MYH3: variants seen among roughly 807,000 people sequenced by gnomAD.
MYH3 encodes the protein myosin-3.
In MYH3, 130 loss-of-function variants were observed where a neutral mutation model predicts 238.0. The ratio of observed to expected loss-of-function variants is 0.55; its 90% confidence interval spans 0.47 to 0.63. The LOEUF (loss-of-function observed/expected upper bound fraction) is 0.63. Ranked by LOEUF, MYH3 falls within the 30% of genes least tolerant of loss-of-function variation. MYH3 has a pLI of 0.00. For missense variants in MYH3, 1,853 were observed against 2,374.9 expected (o/e 0.78, Z 4.57); for synonymous variants, 880 against 924.1 (o/e 0.95, Z 0.86).
intron 20 of MYH3, 22 bp from the exon 21 acceptor site, chr17:10,640,491 A>G (rs909775028): frequency 1.2e-6 from 2 of 1,614,260 alleles, no homozygotes; most frequent in South Asian, 1.1e-5. Context: ...GAAGGGTGAC[A>G]TGAGTCAGTT....
Position 10,635,394 on chromosome 17 carries a change from T to A in MYH3, c.4145A>T (p.Gln1382Leu). Residue 1382 changes from glutamine to leucine, a missense_variant, in exon 30 of 41, where the codon CAG (glutamine) becomes CTG (leucine). By Grantham distance (113) the Gln-to-Leu change is moderately radical (BLOSUM62 -2). Transcript: ENST00000583535. Reference sequence around the variant, plus strand: ...GGCCTCCTCCAGCTCTTCTGTGCGCTGGATGGCGTCCGTCTCGTATTTGGT... The same window carrying A: ...GGCCTCCTCCAGCTCTTCTGTGCGCAGGATGGCGTCCGTCTCGTATTTGGT... Reference protein sequence around the residue: ...WRTKYETDAIQRTEELEEAKK... With the variant: ...WRTKYETDAILRTEELEEAKK... 3 of 1,614,038 alleles carry A rather than the reference T, an allele frequency of 1.9e-6. No homozygotes were observed. The highest frequency in any genetic ancestry group is 2.5e-6 in the Non-Finnish European group (3 of 1,179,872).
intron 25 of MYH3, 21 bp from the exon 26 acceptor site, chr17:10,638,984 T>C (rs2074243750): frequency 1.9e-6 from 3 of 1,614,104 alleles, no homozygotes; most frequent in Non-Finnish European, 2.5e-6. Context: ...AAATGTAGAA[T>C]GCATGAAGAC....
intron 3 of MYH3, among the ~76,000 whole-genome samples, chr17:10,653,787 G>A (rs183183186): frequency 3.0e-4 from 46 of 152,278 alleles, no homozygotes; most frequent in Non-Finnish European, 5.6e-4. Flanking sequence ...AACCATCCCG[G>A]CCAATGGGCC....
chr17:10,644,784 G>A (rs761409069), intron 12 of MYH3, 82 bp from the exon 13 acceptor site: 76 of 1,094,294 alleles, frequency 6.9e-5, no homozygotes, highest in Non-Finnish European at 9.5e-5. Flanking sequence ...GGTTGGTTAA[G>A]TTCATCTTGG....
At chr17:10,662,266 C>T (rs1235059617), upstream of MYH3, among the ~76,000 whole-genome samples, 4 of 152,156 alleles carry the variant, frequency 2.6e-5, no homozygotes, top group African/African-American at 9.7e-5. Context: ...AAATGATCCA[C>T]CCGCCTTGGC....
At chr17:10,671,712 T>C in the MYH3 span, among the ~76,000 whole-genome samples, 2 of 151,676 alleles carry the variant, frequency 1.3e-5, no homozygotes, top group South Asian at 2.1e-4. Flanking sequence ...CCTGAGTAGC[T>C]GGGACTATAG....
In MYH3 at chr17:10,639,178, G is replaced by A; in HGVS notation, c.3114C>T (p.Ser1038=). 6.2e-7 allele frequency: 1 copy of A among 1,614,044 alleles called. No individual in the cohort carries two copies. The highest frequency in any genetic ancestry group is 8.5e-7 in the Non-Finnish European group (1 of 1,179,984). The change falls in exon 25 of 41, where the codon TCC becomes TCT. Residue 1038 remains serine, a synonymous_variant. Coordinates refer to ENST00000583535, the MANE Select transcript of MYH3 (RefSeq NM_002470.4). ...CTCGGAGCTTCTTTTCTTGTTCTAG[G>A]GAGCTTTCCAGCTGAAAAAGGCACC... The part of the protein sequence containing the change: ...LEQQVEDLES[S]LEQEKKLRVD...
chr17:10,669,772 G>C, the MYH3 span, among the ~76,000 whole-genome samples: 1 of 152,130 alleles, frequency 6.6e-6, no homozygotes, highest in South Asian at 2.1e-4. Context: ...TCAGCTGGGC[G>C]TGGTGGTATG....
chr17:10,629,204 G>T (rs923265777), intron 40 of MYH3, among the ~76,000 whole-genome samples: 1 of 150,432 alleles, frequency 6.6e-6, no homozygotes, highest in Non-Finnish European at 1.5e-5. Flanking sequence ...GAAAGGCCCC[G>T]GTGTGTGATG....
rs2074168812 is a variant in MYH3, at chr17:10,632,133, T to G, written c.4957-117A>C. On this transcript the variant is annotated intron_variant, in intron 34 of 40. Transcript: ENST00000583535. ...TTGTTTTTGTTTTGTTTTGTTTTGT[T>G]TGTTTTGAGACAGGGTCTTGTTCTG... 4.5e-6 allele frequency: 6 copies of G among 1,331,274 alleles called. No individual in the cohort carries two copies. The Admixed American group carries it at 1.2e-4, about 26-fold the overall frequency. The allele number at this position is 1,331,274 out of a possible 1,614,324, so 82.5% of individuals were successfully genotyped here. A position where few individuals can be genotyped will look rare whatever the true frequency, so the allele number is the denominator to read the frequency against.
intron 3 of MYH3, among the ~76,000 whole-genome samples, chr17:10,653,927 C>T (rs1045385777): frequency 2.0e-5 from 3 of 152,148 alleles, no homozygotes; most frequent in Non-Finnish European, 2.9e-5. Flanking sequence ...GCCACCTTTT[C>T]GGAGCTCCAA....
the MYH3 span, among the ~76,000 whole-genome samples, chr17:10,663,635 A>T: frequency 6.6e-6 from 1 of 151,704 alleles, no homozygotes; most frequent in Non-Finnish European, 1.5e-5. Context: ...TGGGAGGGGA[A>T]ATGGGTGGCT....
chr17:10,662,742 T>C, the MYH3 span, among the ~76,000 whole-genome samples: 4 of 152,216 alleles, frequency 2.6e-5, no homozygotes, highest in African/African-American at 7.2e-5. Context: ...CTTTAGTTTC[T>C]TTTAGTCTTG....
rs1271299419 is a variant in MYH3, at chr17:10,631,989, G to A, written c.4984C>T (p.Leu1662Phe). 2 of 1,613,756 alleles carry A rather than the reference G, an allele frequency of 1.2e-6. No individual in the cohort carries two copies. Among genetic ancestry groups the A allele is most frequent in the Admixed American group, 3.3e-5 (2 of 60,030 alleles). ...TCCTTCAGGTCCTCCTGGCCCCGGA[G>A]GGCATCATCCAGGTGGAGCTGCGTA... Reference protein sequence around the residue: ...KDTQLHLDDALRGQEDLKEQL... With the variant: ...KDTQLHLDDAFRGQEDLKEQL... Residue 1662 changes from leucine (L) to phenylalanine (F), a missense_variant, in exon 35 of 41, where the codon CTC becomes TTC. Leu to Phe is a conservative substitution (Grantham distance 22). Coordinates refer to ENST00000583535, the MANE Select transcript of MYH3 (RefSeq NM_002470.4).
intron 12 of MYH3, 92 bp from the exon 13 acceptor site, chr17:10,644,794 G>A (rs1597489134): frequency 4.0e-6 from 4 of 1,004,072 alleles, no homozygotes. Context: ...GTTCATCTTG[G>A]TACATTGTGC....
chr17:10,655,645 C>T (rs2074421226), intron 2 of MYH3, among the ~76,000 whole-genome samples: 1 of 152,048 alleles, frequency 6.6e-6, no homozygotes, highest in African/African-American at 2.4e-5. Context: ...TCCTCTCCCG[C>T]CTGACCTGTC....
Position 10,642,268 on chromosome 17 carries a change from G to A in MYH3, c.1931C>T (p.Ser644Phe), listed in dbSNP as rs1298554270. ...KKKVAKKKGSSFQTVSALFRE... is the reference protein window; with the variant it reads ...KKKVAKKKGSFFQTVSALFRE... ...GAAAAGGGCAGAGACAGTTTGGAAGGAAGAACCCTTCTTCTTGGCAACTTT... is the reference window on the plus strand; with the variant it reads ...GAAAAGGGCAGAGACAGTTTGGAAGAAAGAACCCTTCTTCTTGGCAACTTT... The change falls in exon 17 of 41, where the codon TCC (serine) becomes TTC (phenylalanine). Residue 644 changes from serine to phenylalanine, a missense_variant. Transcript: ENST00000583535. This position sits in a 1 kb window ranked among gnomAD's most constrained non-coding sequence, Gnocchi z 5.4. 2 of 1,614,048 alleles carry A rather than the reference G, an allele frequency of 1.2e-6. No individual in the cohort carries two copies. The highest frequency in any genetic ancestry group is 1.7e-6 in the Non-Finnish European group (2 of 1,179,984).
chr17:10,640,558 A>G lies in MYH3; in HGVS notation c.2289+5T>C, dbSNP rs772261189. The G allele has an allele frequency of 1.1e-5, 17 of 1,614,260 alleles. No individual in the cohort carries two copies. In the South Asian group the frequency reaches 1.5e-4, roughly 15 times the overall value. On this transcript the variant is annotated splice_donor_5th_base_variant and intron_variant, in intron 20 of 40. Transcript: ENST00000583535. ...GGCCAGCATCTGTCAGAACTGATGC[A>G]TTACCTTGGTATGTCCAAATTTGTA...
rs754296604 is a variant in MYH3, at chr17:10,630,470, A to G, written c.5287-12T>C. 7 of 1,614,040 alleles carry G rather than the reference A, an allele frequency of 4.3e-6. No individual in the cohort carries two copies. Among genetic ancestry groups the G allele is most frequent in the Non-Finnish European group, 5.9e-6 (7 of 1,179,988 alleles). On this transcript the variant is annotated splice_polypyrimidine_tract_variant and intron_variant, in intron 36 of 40. Transcript: ENST00000583535. ...GCCATCATGGCAGCCTGAAAAGCACATGGGACTTGCTAGGATGCAGAGGAA... is the reference window on the plus strand; with the variant it reads ...GCCATCATGGCAGCCTGAAAAGCACGTGGGACTTGCTAGGATGCAGAGGAA...
Sources: gnomAD v4.1 joint callset for allele counts (sites outside exome capture counted in the v4.1 genomes callset) on GRCh38, gnomAD v4.1.1 for gene constraint, Gnocchi (gnomAD v3.1) non-coding constraint, MANE v1.5 for transcripts, NCBI Gene and HGNC (gene_info 2026-07-23, HGNC 2026-07-21) for gene names.